The following CFTR variants were observed in gnomAD, a reference collection of about 807,000 sequenced individuals.
CFTR encodes CF transmembrane conductance regulator.
CFTR carries 181 observed loss-of-function variants against 171.6 expected under a neutral mutation model. The observed-to-expected ratio is 1.05, with a 90% CI of 0.93 to 1.19. The LOEUF is 1.19. Among genes scored for constraint, CFTR ranks in the 50% most tolerant of loss-of-function variants. CFTR has a pLI of 0.00. For synonymous variants in CFTR, 583 were observed against 608.0 expected (o/e 0.96, Z 0.60); for missense variants, 1,968 against 1,734.7 (o/e 1.13, Z -2.39).
chr7:117,561,159 G>T (rs1799457333), intron 11 of CFTR, among the ~76,000 whole-genome samples: 1 of 152,016 alleles, frequency 6.6e-6, no homozygotes, highest in Non-Finnish European at 1.5e-5. Flanking sequence ...GCTAGGTCCT[G>T]GGAATACCAA....
intron 22 of CFTR, among the ~76,000 whole-genome samples, chr7:117,642,071 C>T (rs967120001): frequency 6.6e-6 from 1 of 152,196 alleles, no homozygotes; most frequent in Non-Finnish European, 1.5e-5. Context: ...TTGCAGGTCT[C>T]TGCTTCTGGC....
rs2116181528 is a variant in CFTR at position 117,647,201 on chromosome 7, G to GCTC, written c.3873+4610_3873+4612dup. On this transcript the variant is annotated intron_variant, in intron 23 of 26. Coordinates refer to ENST00000003084, the MANE Select transcript of CFTR (RefSeq NM_000492.4). ...TGAGTGTGTTACCTTGAACTCCAGGGCTCCAGTGATCCTCCCACCTCAGTC... is the reference window on the plus strand; with the variant it reads ...TGAGTGTGTTACCTTGAACTCCAGGGCTCCTCCAGTGATCCTCCCACCTCAGTC... 2 of 151,974 alleles carry GCTC rather than the reference G, an allele frequency of 1.3e-5. 1 individual carries two copies. The highest frequency in any genetic ancestry group is 4.2e-4 in the South Asian group (2 of 4,808). 9.4% of individuals were successfully genotyped at this position (151,974 alleles called of 1,614,324 possible).
chr7:117,543,553 C>A (rs1414641813), intron 9 of CFTR, among the ~76,000 whole-genome samples: 1 of 152,196 alleles, frequency 6.6e-6, no homozygotes. Flanking sequence ...ATTCTCACAG[C>A]ATTTCTATGA....
intron 12 of CFTR, 109 bp from the exon 13 acceptor site, chr7:117,590,244 G>A (rs1325553769): frequency 7.0e-6 from 9 of 1,288,498 alleles, no homozygotes; most frequent in Non-Finnish European, 9.8e-6. Context: ...GTGAATCGAT[G>A]TGGTGACCAT....
rs145281741 is a variant in CFTR at position 117,524,303 on chromosome 7, T to C, written c.274-6596T>C. Among the ~76,000 whole-genome samples, 6 of 151,820 alleles carry C rather than the reference T, an allele frequency of 4.0e-5. No homozygotes were observed. In the East Asian group the frequency reaches 9.7e-4, roughly 25 times the overall value. Reference sequence around the variant, plus strand: ...CTCTCTGCTTCATGATCACATGTGATACTTCTAACATAGATAGCACATGTA... The same window carrying C: ...CTCTCTGCTTCATGATCACATGTGACACTTCTAACATAGATAGCACATGTA... On this transcript the variant is annotated intron_variant, in intron 3 of 26. Coordinates refer to ENST00000003084, the MANE Select transcript of CFTR (RefSeq NM_000492.4).
chr7:117,591,790 A>G, intron 13 of CFTR, 144 bp from the exon 14 acceptor site: 1 of 532,880 alleles, frequency 1.9e-6, no homozygotes, highest in East Asian at 3.2e-5. Context: ...ATTACTACAG[A>G]GTACTTATAG....
In CFTR at chr7:117,667,465, A is replaced by G; in HGVS notation, c.*357A>G. On this transcript the variant is annotated 3_prime_UTR_variant, in exon 27 of 27. Coordinates refer to ENST00000003084, the MANE Select transcript of CFTR (RefSeq NM_000492.4). Reference sequence around the variant, plus strand: ...TAGTTGATCAGCTTATTGTCTAGTGAAACTCGTTAATTTGTAGTGTTGGAG... The same window carrying G: ...TAGTTGATCAGCTTATTGTCTAGTGGAACTCGTTAATTTGTAGTGTTGGAG... 2.9e-6 allele frequency: 1 copy of G among 347,814 alleles called. No homozygotes were observed. The highest frequency in any genetic ancestry group is 4.0e-5 in the Admixed American group (1 of 25,248). 21.5% of individuals were successfully genotyped at this position (347,814 alleles called of 1,614,324 possible). A position where few individuals can be genotyped will look rare whatever the true frequency, so the allele number is the denominator to read the frequency against.
chr7:117,482,549 G>A (rs1275903178), intron 1 of CFTR, among the ~76,000 whole-genome samples: 1 of 152,026 alleles, frequency 6.6e-6, no homozygotes, highest in Non-Finnish European at 1.5e-5. Context: ...GACTATCAGA[G>A]CAAACAAGTA....
At chr7:117,657,755 A>T (rs1360432097) in intron 24 of CFTR, among the ~76,000 whole-genome samples, 1 of 152,228 alleles carries the variant, frequency 6.6e-6, no homozygotes, top group Non-Finnish European at 1.5e-5. Context: ...AATGACAAAT[A>T]GCCAGACACC....
chr7:117,571,993 T>TA (rs1791697730), intron 11 of CFTR, among the ~76,000 whole-genome samples: 1 of 151,094 alleles, frequency 6.6e-6, no homozygotes, highest in Non-Finnish European at 1.5e-5. Flanking sequence ...AACCTTTTTT[T>TA]ATTATTTTAT....
chr7:117,529,810 T>C (rs951233065), intron 3 of CFTR, among the ~76,000 whole-genome samples: 3 of 152,158 alleles, frequency 2.0e-5, no homozygotes, highest in Non-Finnish European at 4.4e-5. Context: ...AGAATAATGC[T>C]TGGCAATACC....
rs1331797175 is a variant in CFTR, at chr7:117,565,527, G to A, written c.1584+5872G>A. On this transcript the variant is annotated intron_variant, in intron 11 of 26. Coordinates refer to ENST00000003084, the MANE Select transcript of CFTR (RefSeq NM_000492.4). ...TGGAGAAGTAATTGGCTTTTATAAG[G>A]GGTGCGGGGTGGAGGGTTGGGGTGG... Among the ~76,000 whole-genome samples, 3 of 152,204 alleles carry A rather than the reference G, an allele frequency of 2.0e-5. No homozygotes were observed. In the East Asian group the frequency reaches 5.8e-4, roughly 29 times the overall value.
intron 23 of CFTR, among the ~76,000 whole-genome samples, chr7:117,646,631 G>C (rs1793000032): frequency 6.6e-6 from 1 of 152,134 alleles, no homozygotes; most frequent in Non-Finnish European, 1.5e-5. Flanking sequence ...CTGGTGAAAG[G>C]GTGGTGGAGG....
rs4148725 is a variant in CFTR at position 117,667,022 on chromosome 7, C to G, written c.4357C>G (p.Arg1453Gly). ...PSDRVKLFPH[R>G]NSSKCKSKPQ... is the part of the protein sequence containing the mutation. ...CGACAGGGTGAAGCTCTTTCCCCAC[C>G]GGAACTCAAGCAAGTGCAAGTCTAA... The change falls in exon 27 of 27, where the codon CGG becomes GGG. Residue 1453 changes from arginine (R) to glycine (G), a missense_variant. By Grantham distance (125) the Arg-to-Gly change is moderately radical. Transcript: ENST00000003084. 4 of 1,614,038 alleles carry G rather than the reference C, an allele frequency of 2.5e-6. No individual in the cohort carries two copies. In the South Asian group the frequency reaches 3.3e-5, roughly 13 times the overall value.
intron 1 of CFTR, among the ~76,000 whole-genome samples, chr7:117,489,184 G>A (rs1191434860): frequency 6.6e-6 from 1 of 152,070 alleles, no homozygotes; most frequent in African/African-American, 2.4e-5. Context: ...TGTCCTACAG[G>A]TGAAGGTGTT....
chr7:117,511,330 G>A (rs1798514738), intron 3 of CFTR, among the ~76,000 whole-genome samples: 1 of 152,186 alleles, frequency 6.6e-6, no homozygotes, highest in South Asian at 2.1e-4. Flanking sequence ...GACAAAAAAA[G>A]GGATAGGAGA....
chr7:117,607,035 C>A (rs1377742055), intron 18 of CFTR, among the ~76,000 whole-genome samples: 5 of 152,030 alleles, frequency 3.3e-5, no homozygotes, highest in Non-Finnish European at 5.9e-5. Flanking sequence ...CCATCTTTCC[C>A]AAAATCACTG....
intron 22 of CFTR, among the ~76,000 whole-genome samples, chr7:117,629,127 A>G (rs1896884): frequency 6.6e-6 from 1 of 152,176 alleles, no homozygotes; most frequent in Non-Finnish European, 1.5e-5. Flanking sequence ...AGATGTAGCA[A>G]AATGAGAAAG....
intron 21 of CFTR, among the ~76,000 whole-genome samples, chr7:117,618,592 T>C (rs958108810): frequency 2.0e-5 from 3 of 152,214 alleles, no homozygotes; most frequent in Non-Finnish European, 4.4e-5. Context: ...TGTATCCAAC[T>C]ATCATCTTGA....
Sources: gnomAD v4.1 joint callset for allele counts (sites outside exome capture counted in the v4.1 genomes callset) on GRCh38, gnomAD v4.1.1 for gene constraint, MANE v1.5 for transcripts, NCBI Gene and HGNC (gene_info 2026-07-23, HGNC 2026-07-21) for gene names.